The following CTNNA3 variants were observed in gnomAD, a reference collection of about 807,000 sequenced individuals.
CTNNA3 encodes the protein catenin alpha-3.
CTNNA3 carries 76 observed loss-of-function variants against 95.7 expected under a neutral mutation model. That is an observed-to-expected ratio of 0.79 (90% CI 0.66 to 0.96). The LOEUF (loss-of-function observed/expected upper bound fraction) is 0.96, where lower values mean the gene tolerates loss of function less well. Ranked by LOEUF, CTNNA3 falls within the 40% of genes least tolerant of loss-of-function variation. CTNNA3 has a pLI of 0.00. For synonymous variants in CTNNA3, 431 were observed against 374.4 expected, an observed-to-expected ratio of 1.15 and a Z score of -1.74; for missense variants, 1,191 against 1,089.8, an observed-to-expected ratio of 1.09 and a Z score of -1.31.
At chr10:66,918,657 C>T (rs1452227647) in intron 7 of CTNNA3, among the ~76,000 whole-genome samples, 1 of 152,180 alleles carries the variant, frequency 6.6e-6, no homozygotes. Context: ...ACTTCAAATA[C>T]ATCAAAAACA....
chr10:67,487,897 C>T (rs1477725776), intron 5 of CTNNA3, among the ~76,000 whole-genome samples: 1 of 152,198 alleles, frequency 6.6e-6, no homozygotes, highest in Non-Finnish European at 1.5e-5. Context: ...AAACTTGTTG[C>T]TCTCAGAGTT....
chr10:66,452,745 T>G (rs1425802942), intron 11 of CTNNA3, among the ~76,000 whole-genome samples: 3 of 152,168 alleles, frequency 2.0e-5, no homozygotes, highest in Non-Finnish European at 4.4e-5. Context: ...AGGCCCTGCC[T>G]TCTGATGGAC....
intron 11 of CTNNA3, among the ~76,000 whole-genome samples, chr10:66,486,598 C>T (rs1010856825): frequency 5.9e-5 from 9 of 151,926 alleles, no homozygotes; most frequent in African/African-American, 1.7e-4. Context: ...TTCGTGGGAA[C>T]GTAAAGTGCT....
intron 3 of CTNNA3, among the ~76,000 whole-genome samples, chr10:67,582,008 A>G (rs1280460986): frequency 1.3e-5 from 2 of 151,792 alleles, no homozygotes; most frequent in African/African-American, 4.8e-5. Context: ...TCAAAAAACC[A>G]GCTCCTGGAT....
upstream of CTNNA3, among the ~76,000 whole-genome samples, chr10:67,698,825 G>C (rs116417162): frequency 6.6e-6 from 1 of 151,200 alleles, no homozygotes. Context: ...CCCCTGATTT[G>C]AAGGTCTTAT....
At chr10:67,595,701 C>T (rs554144307) in intron 3 of CTNNA3, among the ~76,000 whole-genome samples, 38 of 152,218 alleles carry the variant, frequency 2.5e-4, no homozygotes, top group African/African-American at 7.5e-4. Context: ...TTTCTGCCTC[C>T]ATGGTCTGTC....
intron 12 of CTNNA3, among the ~76,000 whole-genome samples, chr10:66,342,437 G>C (rs1308901495): frequency 6.6e-6 from 1 of 151,996 alleles, no homozygotes; most frequent in Non-Finnish European, 1.5e-5. Context: ...TTAAACTTAT[G>C]AAATTTCTAG....
chr10:67,575,977 G>C (rs545111142), intron 3 of CTNNA3, among the ~76,000 whole-genome samples: 11 of 152,306 alleles, frequency 7.2e-5, no homozygotes, highest in African/African-American at 2.2e-4. Flanking sequence ...AGCAAAGATA[G>C]ATTAGTAGAG....
At chr10:66,067,207 C>T (rs192247182) in intron 15 of CTNNA3, among the ~76,000 whole-genome samples, 5 of 152,242 alleles carry the variant, frequency 3.3e-5, no homozygotes, top group Non-Finnish European at 5.9e-5. Flanking sequence ...TATTCTAAAA[C>T]GATCTCCATC....
chr10:66,648,300 T>G (rs1342316815), intron 9 of CTNNA3, among the ~76,000 whole-genome samples: 1 of 152,114 alleles, frequency 6.6e-6, no homozygotes, highest in Non-Finnish European at 1.5e-5. Flanking sequence ...CAAAAGGGCA[T>G]TAGGAAAATC....
chr10:66,077,212 A>G lies in CTNNA3; in HGVS notation c.1978-7723T>C, dbSNP rs569564058. Among the ~76,000 whole-genome samples, 3 of 151,928 alleles carry G rather than the reference A, an allele frequency of 2.0e-5. No homozygotes were observed. In the South Asian group the frequency reaches 6.2e-4, roughly 31 times the overall value. Reference sequence around the variant, plus strand: ...TTGATGTAGTTTAAGAAAAACCCAAATATGGCTCTGGAACTATGGTTAAAC... The same window carrying G: ...TTGATGTAGTTTAAGAAAAACCCAAGTATGGCTCTGGAACTATGGTTAAAC... On this transcript the variant is annotated intron_variant, in intron 14 of 17. Coordinates refer to ENST00000433211, the MANE Select transcript of CTNNA3 (RefSeq NM_013266.4).
At chr10:67,636,995 C>T (rs1439023697) in intron 2 of CTNNA3, among the ~76,000 whole-genome samples, 6 of 152,160 alleles carry the variant, frequency 3.9e-5, no homozygotes, top group African/African-American at 7.2e-5. Context: ...TCACTAGCAA[C>T]GTAACAAAGC....
At chr10:66,807,836 G>A (rs996122314) in intron 7 of CTNNA3, among the ~76,000 whole-genome samples, 8 of 151,992 alleles carry the variant, frequency 5.3e-5, no homozygotes, top group Admixed American at 2.0e-4. Flanking sequence ...AAGCTTTCTC[G>A]CATTTTTTAA....
chr10:67,151,138 A>G (rs75495219), intron 7 of CTNNA3, among the ~76,000 whole-genome samples: 9,199 of 152,212 alleles, frequency 0.06, 379 homozygotes, highest in South Asian at 0.2. Flanking sequence ...CATGTTTCCA[A>G]TAGTGCTTGT....
At chr10:66,104,841 C>CA (rs1232776112) in intron 13 of CTNNA3, among the ~76,000 whole-genome samples, 1 of 152,218 alleles carries the variant, frequency 6.6e-6, no homozygotes, top group African/African-American at 2.4e-5. Flanking sequence ...GCTTTACACA[C>CA]AGACATTCTG....
At chr10:67,543,746 T>C (rs1390472213) in intron 3 of CTNNA3, among the ~76,000 whole-genome samples, 3 of 152,198 alleles carry the variant, frequency 2.0e-5, no homozygotes, top group African/African-American at 7.2e-5. Context: ...TGATTCAATA[T>C]ATAATAGGGT....
At chr10:67,450,568 G>C (rs939906283) in intron 5 of CTNNA3, among the ~76,000 whole-genome samples, 2 of 152,048 alleles carry the variant, frequency 1.3e-5, no homozygotes, top group African/African-American at 4.8e-5. Flanking sequence ...CTTACAAGTG[G>C]GAGATAAAGG....
At chr10:66,535,736 T>C (rs1841630579) in intron 10 of CTNNA3, among the ~76,000 whole-genome samples, 1 of 152,134 alleles carries the variant, frequency 6.6e-6, no homozygotes, top group Non-Finnish European at 1.5e-5. Flanking sequence ...GAGAAGTCTG[T>C]ATTTCTCCAT....
chr10:66,016,732 T>C (rs946958691), intron 15 of CTNNA3, among the ~76,000 whole-genome samples: 3 of 152,110 alleles, frequency 2.0e-5, no homozygotes, highest in Non-Finnish European at 2.9e-5. Context: ...AGGCAACATA[T>C]CATAAAAGAG....
Sources: allele counts gnomAD v4.1 joint callset (sites outside exome capture counted in the v4.1 genomes callset), GRCh38; gene constraint gnomAD v4.1.1; transcripts MANE v1.5; gene names NCBI Gene and HGNC (gene_info 2026-07-23, HGNC 2026-07-21).